The following DLGAP1 variants were observed in gnomAD, a reference collection of about 807,000 sequenced individuals.
DLGAP1 encodes disks large-associated protein 1.
DLGAP1 carries 11 observed loss-of-function variants against 90.8 expected under a neutral mutation model. The ratio of observed to expected loss-of-function variants is 0.12; its 90% confidence interval spans 0.08 to 0.20. DLGAP1 has a LOEUF of 0.20. Ranked by LOEUF, DLGAP1 falls within the 10% of genes least tolerant of loss-of-function variation. The probability of loss-of-function intolerance (pLI) is 1.00; values close to 1 mark genes in which losing one functional copy is unlikely to be tolerated. For synonymous variants in DLGAP1, 558 were observed against 540.7 expected (o/e 1.03, Z -0.44); for missense variants, 1,050 against 1,333.8 (o/e 0.79, Z 3.31).
At chr18:4,302,527 A>G (rs1320760364) in intron 1 of DLGAP1, among the ~76,000 whole-genome samples, 2 of 151,806 alleles carry the variant, frequency 1.3e-5, no homozygotes, top group Non-Finnish European at 2.9e-5. Context: ...TTTATTTTTT[A>G]TAAAGTACAT....
chr18:3,634,733 T>A (rs1238901817), intron 7 of DLGAP1, among the ~76,000 whole-genome samples: 1 of 152,250 alleles, frequency 6.6e-6, no homozygotes, highest in Non-Finnish European at 1.5e-5. Context: ...AAAGATACCA[T>A]GTTCTTACAT....
chr18:3,841,486 C>T (rs1221496531), intron 4 of DLGAP1, among the ~76,000 whole-genome samples: 1 of 152,068 alleles, frequency 6.6e-6, no homozygotes, highest in Admixed American at 6.5e-5. Context: ...AAAAATGATC[C>T]TTATACATTT....
intron 4 of DLGAP1, among the ~76,000 whole-genome samples, chr18:3,867,936 C>T (rs1029284707): frequency 6.6e-6 from 1 of 152,144 alleles, no homozygotes; most frequent in African/African-American, 2.4e-5. Context: ...GATTGCGTAA[C>T]TCAAATATGG....
chr18:3,903,990 A>G (rs1019954577), intron 3 of DLGAP1, among the ~76,000 whole-genome samples: 6 of 152,196 alleles, frequency 3.9e-5, no homozygotes, highest in African/African-American at 1.4e-4. Context: ...GAGATGGGTT[A>G]CTTTCGTAAG....
chr18:4,368,655 ACAC>A (rs2081837792), intron 1 of DLGAP1, among the ~76,000 whole-genome samples: 1 of 149,958 alleles, frequency 6.7e-6, no homozygotes, highest in Non-Finnish European at 1.5e-5. Flanking sequence ...ACACACACAC[ACAC>A]ACACACACAC....
At chr18:4,298,162 G>A (rs565409096) in intron 1 of DLGAP1, among the ~76,000 whole-genome samples, 1 of 152,098 alleles carries the variant, frequency 6.6e-6, no homozygotes, top group Admixed American at 6.6e-5. Context: ...CCCAAGTCCC[G>A]CAGTCCGCCT....
chr18:3,657,429 T>C (rs2059530444), intron 7 of DLGAP1, among the ~76,000 whole-genome samples: 1 of 152,162 alleles, frequency 6.6e-6, no homozygotes, highest in South Asian at 2.1e-4. Context: ...TGGTGTCTGG[T>C]CCAACGTTGA....
At chr18:3,997,745 A>AT (rs1239768827) in intron 3 of DLGAP1, among the ~76,000 whole-genome samples, 3 of 152,236 alleles carry the variant, frequency 2.0e-5, no homozygotes, top group African/African-American at 7.2e-5. Context: ...ATTTAACCCA[A>AT]TATGTCACAA....
chr18:4,182,782 G>A (rs531439323), intron 1 of DLGAP1, among the ~76,000 whole-genome samples: 1 of 152,260 alleles, frequency 6.6e-6, no homozygotes, highest in African/African-American at 2.4e-5. Flanking sequence ...ACCTACAAAG[G>A]ATAGTTGGGT....
intron 1 of DLGAP1, among the ~76,000 whole-genome samples, chr18:4,188,988 T>C (rs1348628366): frequency 1.3e-5 from 2 of 152,198 alleles, no homozygotes; most frequent in African/African-American, 4.8e-5. Context: ...TTGTATTTAA[T>C]CATATTCAAA....
intron 11 of DLGAP1, among the ~76,000 whole-genome samples, chr18:3,503,501 A>G (rs1414420918): frequency 6.6e-6 from 1 of 152,192 alleles, no homozygotes. Flanking sequence ...ACTCTTTGTT[A>G]ATTACTACCT....
intron 1 of DLGAP1, among the ~76,000 whole-genome samples, chr18:4,254,892 A>G (rs1407535366): frequency 6.6e-6 from 1 of 152,328 alleles, no homozygotes; most frequent in African/African-American, 2.4e-5. Context: ...AACATGAATC[A>G]AGACAGTCTG....
intron 1 of DLGAP1, among the ~76,000 whole-genome samples, chr18:4,217,871 C>T (rs926912806): frequency 6.6e-6 from 1 of 152,022 alleles, no homozygotes; most frequent in Admixed American, 6.6e-5. Context: ...AATAAAACCA[C>T]AGATGTATAA....
At chr18:4,069,631 G>A (rs1471057665) in intron 2 of DLGAP1, among the ~76,000 whole-genome samples, 1 of 152,134 alleles carries the variant, frequency 6.6e-6, no homozygotes, top group Non-Finnish European at 1.5e-5. Flanking sequence ...CATGCCCACT[G>A]CCTCTTCACC....
intron 1 of DLGAP1, among the ~76,000 whole-genome samples, chr18:4,272,216 A>G (rs1381648005): frequency 1.3e-5 from 2 of 152,196 alleles, no homozygotes; most frequent in Non-Finnish European, 2.9e-5. Flanking sequence ...TTCTGTCATT[A>G]AAATTGCTTC....
chr18:4,115,840 T>G (rs1028155999), intron 2 of DLGAP1, among the ~76,000 whole-genome samples: 36 of 152,224 alleles, frequency 2.4e-4, no homozygotes, highest in Non-Finnish European at 4.4e-4. Context: ...TCAAAAATAT[T>G]AAATTTCTAT....
Position 3,879,760 on chromosome 18 carries a change from C to T in DLGAP1, c.309G>A (p.Leu103=). 1 of 1,608,492 alleles carries T rather than the reference C, an allele frequency of 6.2e-7. No homozygotes were observed. Among genetic ancestry groups the T allele is most frequent in the South Asian group, 1.1e-5 (1 of 91,080 alleles). Residue 103 remains leucine, a synonymous_variant, in exon 4 of 13, where the codon CTG becomes CTA. Transcript: ENST00000315677. This position sits in a 1 kb window ranked among gnomAD's most constrained non-coding sequence, Gnocchi z 6.6. The stretch of plus-strand genomic sequence containing the variant: ...GCAGCTGCCGCTCGAACTGGTCCAG[C>T]AGGTTGGCGGGGATGCGGTTCGCCT... ...ATKANRIPAN[L]LDQFERQLPL... is the part of the protein sequence containing the mutation.
At chr18:3,786,977 T>TA (rs1169929075) in intron 5 of DLGAP1, among the ~76,000 whole-genome samples, 2 of 152,136 alleles carry the variant, frequency 1.3e-5, no homozygotes, top group African/African-American at 2.4e-5. Context: ...TTGTCTTAGA[T>TA]GAAAGCAGTG....
At chr18:4,275,986 C>A (rs1266812793) in intron 1 of DLGAP1, among the ~76,000 whole-genome samples, 1 of 151,746 alleles carries the variant, frequency 6.6e-6, no homozygotes, top group Non-Finnish European at 1.5e-5. Context: ...GGAAAGAGAA[C>A]ATGCAAATAT....
Sources: allele counts gnomAD v4.1 joint callset (sites outside exome capture counted in the v4.1 genomes callset), GRCh38; gene constraint gnomAD v4.1.1; non-coding constraint Gnocchi (gnomAD v3.1); transcripts MANE v1.5; gene names NCBI Gene and HGNC (gene_info 2026-07-23, HGNC 2026-07-21).